Variants in GPHN observed in about 807,000 individuals in gnomAD.
The protein encoded by GPHN is gephyrin.
Under a neutral mutation model 95.5 loss-of-function variants are expected in GPHN, and 17 were observed. The observed-to-expected ratio is 0.18, with a 90% CI of 0.12 to 0.27. The LOEUF is 0.27. GPHN is among the 10% of genes least tolerant of loss of function. The probability of loss-of-function intolerance (pLI) is 1.00; values close to 1 mark genes in which losing one functional copy is unlikely to be tolerated. For missense variants in GPHN, 660 were observed against 978.1 expected, an observed-to-expected ratio of 0.67 and a Z score of 4.34; for synonymous variants, 320 against 322.5, an observed-to-expected ratio of 0.99 and a Z score of 0.08.
At chr14:67,562,516 T>A in the GPHN span, 4 of 1,611,094 alleles carry the variant, frequency 2.5e-6, no homozygotes, top group South Asian at 4.4e-5. Context: ...GGATGCTCCC[T>A]GGGACAAAGA....
At chr14:67,729,855 A>C in the GPHN span, 2 of 457,620 alleles carry the variant, frequency 4.4e-6, no homozygotes, top group Non-Finnish European at 8.8e-6. Context: ...TTAGTGCTGA[A>C]TCTTATCATG....
intron 21 of GPHN, among the ~76,000 whole-genome samples, chr14:67,176,852 G>A (rs1305318534): frequency 6.6e-6 from 1 of 152,138 alleles, no homozygotes; most frequent in Non-Finnish European, 1.5e-5. Flanking sequence ...ACATTTTCTA[G>A]TTTATTTGCA....
At chr14:66,772,138 C>G (rs55901843) in intron 2 of GPHN, among the ~76,000 whole-genome samples, 1 of 151,538 alleles carries the variant, frequency 6.6e-6, no homozygotes, top group Non-Finnish European at 1.5e-5. Flanking sequence ...GACAGATAAC[C>G]CTGTGTTGAC....
At chr14:67,386,370 G>T in the GPHN span, 2 of 152,230 alleles carry the variant, frequency 1.3e-5, no homozygotes, top group African/African-American at 4.8e-5. Flanking sequence ...GCACTTTGAG[G>T]TATCCACTCC....
At chr14:67,713,277 CA>C in the GPHN span, among the ~76,000 whole-genome samples, 6 of 148,712 alleles carry the variant, frequency 4.0e-5, no homozygotes, top group African/African-American at 7.4e-5. Flanking sequence ...AAAAACAAAA[CA>C]AAAAAAAACC....
chr14:67,332,127 C>G, the GPHN span, among the ~76,000 whole-genome samples: 1 of 152,248 alleles, frequency 6.6e-6, no homozygotes, highest in Non-Finnish European at 1.5e-5. Context: ...TCTTCATTGG[C>G]AGGGGTGATT....
chr14:67,253,578 C>T, the GPHN span, among the ~76,000 whole-genome samples: 1 of 152,166 alleles, frequency 6.6e-6, no homozygotes, highest in African/African-American at 2.4e-5. Context: ...GGCGCAGCAG[C>T]TTATGCCTGT....
the GPHN span, among the ~76,000 whole-genome samples, chr14:67,642,594 A>T: frequency 6.6e-6 from 1 of 152,164 alleles, no homozygotes; most frequent in Non-Finnish European, 1.5e-5. Flanking sequence ...ACATTCAGAC[A>T]CAGCAAGTTC....
chr14:66,567,564 G>A (rs528270064), intron 1 of GPHN, among the ~76,000 whole-genome samples: 4 of 152,088 alleles, frequency 2.6e-5, no homozygotes, highest in Non-Finnish European at 5.9e-5. Context: ...CAGCCACTTG[G>A]ATCTCTTATG....
intron 3 of GPHN, among the ~76,000 whole-genome samples, chr14:66,782,625 C>G (rs1030962404): frequency 2.6e-5 from 4 of 152,088 alleles, no homozygotes; most frequent in Non-Finnish European, 5.9e-5. Flanking sequence ...TGAGACCATC[C>G]TGGCTAATAC....
At chr14:66,726,493 T>C (rs942791046) in intron 2 of GPHN, among the ~76,000 whole-genome samples, 2 of 152,230 alleles carry the variant, frequency 1.3e-5, no homozygotes, top group East Asian at 3.8e-4. Flanking sequence ...TAATTGCATT[T>C]GCTAGAGCAG....
At chr14:66,621,821 C>T (rs1371456598) in intron 1 of GPHN, among the ~76,000 whole-genome samples, 1 of 152,196 alleles carries the variant, frequency 6.6e-6, no homozygotes, top group African/African-American at 2.4e-5. Flanking sequence ...GTCTGGGCAG[C>T]TCCACCCCTG....
the GPHN span, chr14:67,488,659 C>A: frequency 6.6e-6 from 1 of 152,550 alleles, no homozygotes. Context: ...GAGTTCAATC[C>A]CACCTGTGGA....
the GPHN span, chr14:67,695,811 A>C: frequency 9.6e-7 from 1 of 1,044,742 alleles, no homozygotes; most frequent in African/African-American, 1.6e-5. Flanking sequence ...CCCGGGGAGC[A>C]GACCTTCTGG....
intron 17 of GPHN, among the ~76,000 whole-genome samples, chr14:67,124,232 C>G (rs571271674): frequency 5.3e-5 from 8 of 152,006 alleles, no homozygotes; most frequent in South Asian, 2.1e-4. Flanking sequence ...ATGGTGAAAC[C>G]CTGTCTCTAC....
chr14:67,421,641 A>G, the GPHN span, among the ~76,000 whole-genome samples: 87,212 of 152,182 alleles, frequency 0.57, 27,539 homozygotes, highest in African/African-American at 0.85. Flanking sequence ...AGGAGGGCCT[A>G]TAGGAACGAT....
At chr14:67,015,229 G>A (rs2073236627) in intron 9 of GPHN, among the ~76,000 whole-genome samples, 1 of 152,302 alleles carries the variant, frequency 6.6e-6, no homozygotes, top group Middle Eastern at 3.4e-3. Flanking sequence ...TACTGAAAAG[G>A]AAGTGTTTTT....
At chr14:66,708,620 A>T (rs988596951) in intron 2 of GPHN, among the ~76,000 whole-genome samples, 1 of 152,192 alleles carries the variant, frequency 6.6e-6, no homozygotes, top group Admixed American at 6.5e-5. Context: ...AGGAAAGAAT[A>T]TAAAAAGATT....
intron 17 of GPHN, among the ~76,000 whole-genome samples, chr14:67,127,358 T>TTGTTTC (rs944370553): frequency 6.6e-6 from 1 of 152,110 alleles, no homozygotes; most frequent in South Asian, 2.1e-4. Context: ...GTTTTTGTTT[T>TTGTTTC]TGTTTTGCCG....
Sources: allele counts gnomAD v4.1 joint callset (sites outside exome capture counted in the v4.1 genomes callset), GRCh38; gene constraint gnomAD v4.1.1; transcripts MANE v1.5; gene names NCBI Gene and HGNC (gene_info 2026-07-23, HGNC 2026-07-21).